SPIN1: variants seen among roughly 807,000 people sequenced by gnomAD.
SPIN1 encodes the protein spindlin 1.
In SPIN1, 3 loss-of-function variants were observed where a neutral mutation model predicts 26.0. That is an observed-to-expected ratio of 0.12 (90% CI 0.05 to 0.30). The LOEUF (loss-of-function observed/expected upper bound fraction) is 0.30, where lower values mean the gene tolerates loss of function less well. Ranked by LOEUF, SPIN1 falls within the 10% of genes least tolerant of loss-of-function variation. SPIN1 has a pLI of 1.00. For missense variants in SPIN1, 126 were observed against 333.4 expected (o/e 0.38, Z 4.84); for synonymous variants, 101 against 116.5 (o/e 0.87, Z 0.86).
intron 1 of SPIN1, among the ~76,000 whole-genome samples, chr9:88,393,157 G>A (rs1362024117): frequency 1.3e-5 from 2 of 149,112 alleles, no homozygotes; most frequent in African/African-American, 4.9e-5. Flanking sequence ...TTCCTGAAGG[G>A]AGGGGAGGAG....
chr9:88,405,258 TC>T (rs1827271277), intron 1 of SPIN1, among the ~76,000 whole-genome samples: 1 of 152,222 alleles, frequency 6.6e-6, no homozygotes, highest in Admixed American at 6.5e-5. Context: ...AGACAGGGTC[TC>T]GCTCTGTCTC....
intron 5 of SPIN1, among the ~76,000 whole-genome samples, chr9:88,474,739 T>G (rs943957585): frequency 7.2e-5 from 11 of 152,182 alleles, no homozygotes; most frequent in African/African-American, 2.7e-4. Flanking sequence ...TCAAAATTGT[T>G]CATATATCTA....
chr9:88,437,512 AGAAG>A (rs1247286992), intron 2 of SPIN1, among the ~76,000 whole-genome samples: 1 of 144,108 alleles, frequency 6.9e-6, no homozygotes, highest in Non-Finnish European at 1.5e-5. Flanking sequence ...AAAAAAAAAA[AGAAG>A]GAAAGAAACA....
chr9:88,444,397 T>C (rs1293744838), intron 2 of SPIN1, among the ~76,000 whole-genome samples: 3 of 150,512 alleles, frequency 2.0e-5, no homozygotes, highest in Non-Finnish European at 4.4e-5. Context: ...CCTGCCACTA[T>C]GCCCGGCTAA....
intron 1 of SPIN1, among the ~76,000 whole-genome samples, chr9:88,413,728 A>G (rs530078250): frequency 1.9e-4 from 29 of 152,268 alleles, no homozygotes; most frequent in African/African-American, 5.8e-4. Context: ...ATAAAAATCA[A>G]TTGTGGGGTG....
intron 1 of SPIN1, among the ~76,000 whole-genome samples, chr9:88,392,589 T>C (rs1223592379): frequency 6.6e-6 from 1 of 152,026 alleles, no homozygotes; most frequent in Non-Finnish European, 1.5e-5. Context: ...TCCTCTCCTC[T>C]CTTCTCCTTC....
At chr9:88,404,173 T>TA (rs373402018) in intron 1 of SPIN1, among the ~76,000 whole-genome samples, 9 of 152,308 alleles carry the variant, frequency 5.9e-5, no homozygotes, top group African/African-American at 1.9e-4. Context: ...TTAGGGCACT[T>TA]ACCATGAATG....
intron 2 of SPIN1, among the ~76,000 whole-genome samples, chr9:88,436,850 C>T (rs1271895034): frequency 3.4e-5 from 5 of 147,436 alleles, no homozygotes; most frequent in South Asian, 4.4e-4. Context: ...CTGCAAGCTC[C>T]GCCTCCCGGG....
chr9:88,410,536 CTT>C lies in SPIN1; in HGVS notation c.-158-15845_-158-15844del, dbSNP rs569627449. The C allele has an allele frequency of 9.5e-4, 755 of 798,828 alleles. 2 individuals are homozygous for C. The African/African-American group carries it at 0.01, about 11-fold the overall frequency. 49.5% of individuals were successfully genotyped at this position (798,828 alleles called of 1,614,324 possible). ...CTAAGCTTTGTTACCTAATTAAAATCTTCTGCTACTGCCATAGCTACTGCTGC... is the reference window on the plus strand; with the variant it reads ...CTAAGCTTTGTTACCTAATTAAAATCCTGCTACTGCCATAGCTACTGCTGC... On this transcript the variant is annotated intron_variant, in intron 1 of 5. Transcript: ENST00000375859.
intron 1 of SPIN1, chr9:88,411,261 C>T (rs572309865): frequency 6.3e-5 from 72 of 1,151,300 alleles, no homozygotes; most frequent in Non-Finnish European, 2.6e-6. Context: ...GCTGCATCCT[C>T]CACCTCCACA....
rs186930617 is a variant in SPIN1 at position 88,409,948 on chromosome 9, T to G, written c.-158-16434T>G. On this transcript the variant is annotated intron_variant, in intron 1 of 5. Transcript: ENST00000375859. ...ATTCCAACTCGAAGGGAGGTGAGTTTACCAGTCCCCCTGTAACCCCCTTTG... is the reference window on the plus strand; with the variant it reads ...ATTCCAACTCGAAGGGAGGTGAGTTGACCAGTCCCCCTGTAACCCCCTTTG... 5.9e-4 allele frequency among the ~76,000 whole-genome samples: 90 copies of G among 152,280 alleles called. 1 individual carries two copies. The Middle Eastern group carries it at 0.014, about 23-fold the overall frequency.
intron 1 of SPIN1, among the ~76,000 whole-genome samples, chr9:88,404,438 C>T (rs994779467): frequency 6.6e-5 from 10 of 152,070 alleles, no homozygotes; most frequent in East Asian, 1.9e-4. Context: ...TATTAGAAAC[C>T]GTGTAGCTTT....
chr9:88,474,078 T>C (rs976130134), intron 5 of SPIN1, among the ~76,000 whole-genome samples: 1 of 152,154 alleles, frequency 6.6e-6, no homozygotes, highest in Admixed American at 6.5e-5. Flanking sequence ...TACATGTACA[T>C]TATATGGTCT....
chr9:88,400,953 C>A (rs535953375), intron 1 of SPIN1, among the ~76,000 whole-genome samples: 2 of 152,008 alleles, frequency 1.3e-5, no homozygotes, highest in Non-Finnish European at 2.9e-5. Flanking sequence ...GTCGAGGCTG[C>A]GGTGAGCCAT....
chr9:88,410,655 G>A (rs1045287610), intron 1 of SPIN1: 2 of 1,231,202 alleles, frequency 1.6e-6, no homozygotes, highest in Non-Finnish European at 2.4e-6. Flanking sequence ...TGCCTCCAAA[G>A]TTTCCTTCCT....
At chr9:88,460,094 A>G (rs962737492) in intron 3 of SPIN1, among the ~76,000 whole-genome samples, 4 of 152,200 alleles carry the variant, frequency 2.6e-5, no homozygotes, top group African/African-American at 9.7e-5. Flanking sequence ...GGGGTGCATT[A>G]GTACATTCAA....
intron 1 of SPIN1, among the ~76,000 whole-genome samples, chr9:88,422,460 T>C (rs1827688670): frequency 6.6e-6 from 1 of 152,208 alleles, no homozygotes; most frequent in Non-Finnish European, 1.5e-5. Flanking sequence ...GGGATTTGTT[T>C]TAGAAAAGCT....
intron 2 of SPIN1, among the ~76,000 whole-genome samples, chr9:88,441,689 G>A (rs1381526499): frequency 6.6e-6 from 1 of 151,466 alleles, no homozygotes; most frequent in Non-Finnish European, 1.5e-5. Context: ...TTGGGACGTT[G>A]AGGTTGCAGT....
chr9:88,426,740 A>G, intron 2 of SPIN1, 149 bp downstream of exon 2: 1 of 531,608 alleles, frequency 1.9e-6, no homozygotes, highest in Admixed American at 3.8e-5. Context: ...ATTAAGAAGC[A>G]GATTTAAGTT....
Sources: gnomAD v4.1 joint callset for allele counts (sites outside exome capture counted in the v4.1 genomes callset) on GRCh38, gnomAD v4.1.1 for gene constraint, MANE v1.5 for transcripts, NCBI Gene and HGNC (gene_info 2026-07-23, HGNC 2026-07-21) for gene names.